The following KIT variants were observed in gnomAD, a reference collection of about 807,000 sequenced individuals.
KIT encodes the protein KIT proto-oncogene, receptor tyrosine kinase.
KIT carries 16 observed loss-of-function variants against 105.7 expected under a neutral mutation model. That is an observed-to-expected ratio of 0.15 (90% confidence interval 0.10 to 0.23). The LOEUF (loss-of-function observed/expected upper bound fraction) is 0.23, where lower values mean the gene tolerates loss of function less well. Ranked by LOEUF, KIT falls within the 10% of genes least tolerant of loss-of-function variation. KIT has a pLI of 1.00. For synonymous variants in KIT, 438 were observed against 441.1 expected (o/e 0.99, Z 0.09); for missense variants, 858 against 1,213.8 (o/e 0.71, Z 4.36).
intron 2 of KIT, among the ~76,000 whole-genome samples, chr4:54,696,179 A>G (rs1444052697): frequency 6.6e-6 from 1 of 152,156 alleles, no homozygotes; most frequent in Non-Finnish European, 1.5e-5. Context: ...CCAGACCGAC[A>G]CTTCGAAAGA....
intron 7 of KIT, among the ~76,000 whole-genome samples, chr4:54,717,999 G>A (rs966231591): frequency 2.6e-5 from 4 of 152,170 alleles, no homozygotes; most frequent in Non-Finnish European, 4.4e-5. Flanking sequence ...ATTTTTCAAC[G>A]TAATCTCGTG....
intron 1 of KIT, among the ~76,000 whole-genome samples, chr4:54,667,048 T>C (rs945658942): frequency 8.5e-5 from 13 of 152,112 alleles, no homozygotes; most frequent in Non-Finnish European, 4.4e-5. Context: ...ATCCATAATC[T>C]ATCATTTAGC....
At chr4:54,705,452 TA>T (rs1268664857) in intron 5 of KIT, among the ~76,000 whole-genome samples, 1 of 152,238 alleles carries the variant, frequency 6.6e-6, no homozygotes, top group Non-Finnish European at 1.5e-5. Flanking sequence ...TTTTATTGTA[TA>T]TTTTTAAGAT....
chr4:54,711,353 A>G (rs1467901599), intron 7 of KIT, among the ~76,000 whole-genome samples: 2 of 152,250 alleles, frequency 1.3e-5, no homozygotes, highest in African/African-American at 4.8e-5. Flanking sequence ...TAAGACATTC[A>G]TATGAGTTTA....
rs552275849 is a variant in KIT at position 54,692,311 on chromosome 4, A to C, written c.68-3201A>C. On this transcript the variant is annotated intron_variant, in intron 1 of 20. Coordinates refer to ENST00000288135, the MANE Select transcript of KIT (RefSeq NM_000222.3). ...TCCAGTCCTGTTTTAATCTCCTTAC[A>C]TGTGTTACCTCACTTGATTCTCAGA... is the stretch of plus-strand genomic sequence containing the variant. 3.3e-5 allele frequency among the ~76,000 whole-genome samples: 5 copies of C among 152,254 alleles called. No individual in the cohort carries two copies. The East Asian group carries it at 9.6e-4, about 29-fold the overall frequency.
In KIT at chr4:54,739,136, C is replaced by T. The variant is rs961034490; in HGVS notation, c.*579C>T. On this transcript the variant is annotated 3_prime_UTR_variant, in exon 21 of 21. Coordinates refer to ENST00000288135, the MANE Select transcript of KIT (RefSeq NM_000222.3). ...AAAGATGCTCTTCTGTGGACCACTG[C>T]ATGAGCTTTTATACTACCGACCTGG... 16 of 359,794 alleles carry T rather than the reference C, an allele frequency of 4.4e-5. No individual in the cohort carries two copies. Among genetic ancestry groups the T allele is most frequent in the African/African-American group, 3.1e-4 (15 of 47,952 alleles). The allele number at this position is 359,794 out of a possible 1,614,324, so 22.3% of individuals were successfully genotyped here. A position where few individuals can be genotyped will look rare whatever the true frequency, so the allele number is the denominator to read the frequency against.
intron 1 of KIT, among the ~76,000 whole-genome samples, chr4:54,674,926 A>T (rs557320106): frequency 1.3e-5 from 2 of 152,336 alleles, no homozygotes; most frequent in African/African-American, 4.8e-5. Context: ...TTACAGTTTT[A>T]AAAGTATTAA....
At chr4:54,716,429 CAA>C (rs1019385785) in intron 7 of KIT, among the ~76,000 whole-genome samples, 4 of 151,952 alleles carry the variant, frequency 2.6e-5, no homozygotes, top group Non-Finnish European at 5.9e-5. Flanking sequence ...AAATAAAAAT[CAA>C]GTTTTATTTT....
At chr4:54,727,719 A>G (rs1722329108) in intron 11 of KIT, 104 bp from the exon 12 acceptor site, 3 of 1,291,568 alleles carry the variant, frequency 2.3e-6, no homozygotes, top group African/African-American at 2.9e-5. Flanking sequence ...GTCTCTGGAC[A>G]ACATTGTTTT....
rs760183633 is a variant in KIT at position 54,726,052 on chromosome 4, T to C, written c.1540+2T>C. ...TTGCATTTAAAGGTAACAACAAAGG[T>C]ATATTTCTTTTTAATCCAATTTAAG... On this transcript the variant is annotated splice_donor_variant, in intron 9 of 20. Transcript: ENST00000288135. LOFTEE classifies it high-confidence loss of function. 3 of 1,611,518 alleles carry C rather than the reference T, an allele frequency of 1.9e-6. No homozygotes were observed. The highest frequency in any genetic ancestry group is 2.5e-6 in the Non-Finnish European group (3 of 1,177,778).
At chr4:54,703,248 G>A (rs1720565127) in intron 4 of KIT, among the ~76,000 whole-genome samples, 1 of 152,144 alleles carries the variant, frequency 6.6e-6, no homozygotes, top group Non-Finnish European at 1.5e-5. Flanking sequence ...CAAGCTAGTT[G>A]TTGACATTGT....
At chr4:54,734,819 T>C (rs967116192) in intron 17 of KIT, among the ~76,000 whole-genome samples, 1 of 152,132 alleles carries the variant, frequency 6.6e-6, no homozygotes, top group African/African-American at 2.4e-5. Context: ...TATGGGACCC[T>C]TATCAGAACA....
At chr4:54,706,565 T>A (rs569870157) in intron 5 of KIT, among the ~76,000 whole-genome samples, 1 of 152,220 alleles carries the variant, frequency 6.6e-6, no homozygotes, top group East Asian at 1.9e-4. Flanking sequence ...TTCATAGGAG[T>A]CAATTGTTAT....
At chr4:54,737,063 A>C (rs982713634) in intron 19 of KIT, 112 bp from the exon 20 acceptor site, 1 of 770,510 alleles carries the variant, frequency 1.3e-6, no homozygotes, top group Non-Finnish European at 2.3e-6. Flanking sequence ...ATGTCAGTCC[A>C]TATGTCCAGT....
intron 2 of KIT, among the ~76,000 whole-genome samples, chr4:54,697,883 C>T (rs34332764): frequency 0.37 from 55,843 of 151,984 alleles, 11,950 homozygotes; most frequent in Non-Finnish European, 0.48. Context: ...ATAAAGTTTT[C>T]CCAAAGTTTT....
intron 1 of KIT, 125 bp downstream of exon 1, chr4:54,658,206 G>T: frequency 1.0e-6 from 1 of 966,156 alleles, no homozygotes. Context: ...GTGCGTTCCA[G>T]CCTCCGGGGA....
intron 5 of KIT, among the ~76,000 whole-genome samples, chr4:54,705,058 A>G (rs1295016504): frequency 1.3e-5 from 2 of 152,242 alleles, no homozygotes; most frequent in Non-Finnish European, 2.9e-5. Context: ...ACCATTTATT[A>G]ATTTGAATAG....
chr4:54,727,573 C>A (rs1422571235), intron 11 of KIT, 31 bp downstream of exon 11: 1 of 1,613,858 alleles, frequency 6.2e-7, no homozygotes, highest in Admixed American at 1.7e-5. Context: ...TTCCATGTCA[C>A]CTTTTTGGGT....
intron 17 of KIT, among the ~76,000 whole-genome samples, chr4:54,734,015 G>A (rs138257465): frequency 5.4e-4 from 82 of 152,180 alleles, no homozygotes; most frequent in Non-Finnish European, 9.3e-4. Flanking sequence ...TCACTGTGGC[G>A]TCTCTATTGG....
Sources: allele counts gnomAD v4.1 joint callset (sites outside exome capture counted in the v4.1 genomes callset), GRCh38; gene constraint gnomAD v4.1.1; transcripts MANE v1.5; gene names NCBI Gene and HGNC (gene_info 2026-07-23, HGNC 2026-07-21).